The following DCP1B variants were observed in gnomAD, a reference collection of about 807,000 sequenced individuals.
DCP1B encodes the protein mRNA-decapping enzyme 1B.
Under a neutral mutation model 60.5 loss-of-function variants are expected in DCP1B, and 47 were observed. The ratio of observed to expected loss-of-function variants is 0.78; its 90% CI spans 0.61 to 0.99. The LOEUF is 0.99. Among genes scored for constraint, DCP1B ranks in the 50% least tolerant of loss-of-function variants. The probability of loss-of-function intolerance (pLI) is 0.00; values close to 1 mark genes in which losing one functional copy is unlikely to be tolerated. For synonymous variants in DCP1B, 267 were observed against 280.3 expected (o/e 0.95, Z 0.47); for missense variants, 725 against 756.8 (o/e 0.96, Z 0.49).
downstream of DCP1B, among the ~76,000 whole-genome samples, chr12:1,945,109 A>C (rs2030376463): frequency 6.6e-6 from 1 of 152,232 alleles, no homozygotes; most frequent in Non-Finnish European, 1.5e-5. Context: ...CCCATCAAAA[A>C]GTGGGCAAAG....
At chr12:1,967,771 T>C in intron 4 of DCP1B, 73 bp downstream of exon 4, 2 of 1,274,776 alleles carry the variant, frequency 1.6e-6, no homozygotes, top group South Asian at 1.2e-5. Flanking sequence ...AAGACTGTAG[T>C]ATAGTTACAC....
At chr12:2,002,181 C>T (rs535236175) in intron 1 of DCP1B, among the ~76,000 whole-genome samples, 2 of 152,262 alleles carry the variant, frequency 1.3e-5, no homozygotes, top group African/African-American at 4.8e-5. Flanking sequence ...ATTTTCAGGG[C>T]AATAAGAATT....
chr12:1,980,099 A>G (rs1173500010), intron 3 of DCP1B, among the ~76,000 whole-genome samples: 1 of 152,202 alleles, frequency 6.6e-6, no homozygotes, highest in Non-Finnish European at 1.5e-5. Flanking sequence ...TGTCCCCATC[A>G]ATTTCACTCC....
At chr12:1,993,456 T>G (rs1565858026) in intron 2 of DCP1B, 65 bp from the exon 3 acceptor site, 2 of 1,562,710 alleles carry the variant, frequency 1.3e-6, no homozygotes. Context: ...ATATTTTCAG[T>G]ATAAGTACAT....
intron 3 of DCP1B, among the ~76,000 whole-genome samples, chr12:1,988,104 T>C (rs374947494): frequency 6.6e-6 from 1 of 152,202 alleles, no homozygotes; most frequent in Non-Finnish European, 1.5e-5. Flanking sequence ...CCTGGATGAT[T>C]TGTATATCAG....
At chr12:1,941,860 A>G (rs2154456006), downstream of DCP1B, among the ~76,000 whole-genome samples, 1 of 152,334 alleles carries the variant, frequency 6.6e-6, no homozygotes, top group Middle Eastern at 3.4e-3. Context: ...GACCATCGAC[A>G]TTATGAAGAA....
chr12:1,968,993 T>C (rs949725078), intron 3 of DCP1B, among the ~76,000 whole-genome samples: 1 of 152,198 alleles, frequency 6.6e-6, no homozygotes, highest in Admixed American at 6.5e-5. Flanking sequence ...GTTGAGGATC[T>C]GATGGCATTA....
Position 1,967,921 on chromosome 12 carries a change from C to T in DCP1B, c.320-11G>A. 6.2e-7 allele frequency: 1 copy of T among 1,608,224 alleles called. No homozygotes were observed. The highest frequency in any genetic ancestry group is 1.7e-5 in the Admixed American group (1 of 58,366). ...TTCCATAGATGGACACTGCAAAAAA[C>T]ACACATCAAACAAATTATGAGCATC... On this transcript the variant is annotated splice_polypyrimidine_tract_variant and intron_variant, in intron 3 of 8. Transcript: ENST00000280665.
Position 1,971,816 on chromosome 12 carries a change from G to C in DCP1B, c.320-3906C>G, listed in dbSNP as rs747834321. Among the ~76,000 whole-genome samples the C allele has an allele frequency of 1.3e-5, 2 of 152,076 alleles. No homozygotes were observed. Among genetic ancestry groups the C allele is most frequent in the Non-Finnish European group, 2.9e-5 (2 of 68,004 alleles). ...ATGTTCCTAATAAATATTTCTGTTT[G>C]ATCTGTTCTTTTAAGATATTTATAA... is the stretch of plus-strand genomic sequence containing the variant. On this transcript the variant is annotated intron_variant, in intron 3 of 8. Transcript: ENST00000280665. This position sits in a 1 kb window ranked among gnomAD's most constrained non-coding sequence, Gnocchi z 4.2.
intron 2 of DCP1B, among the ~76,000 whole-genome samples, chr12:1,996,294 TC>T (rs2040773634): frequency 6.6e-6 from 1 of 152,052 alleles, no homozygotes; most frequent in Non-Finnish European, 1.5e-5. Context: ...AATCTCAAAA[TC>T]CAGAGTCTGC....
Position 1,948,624 on chromosome 12 carries a change from C to T in DCP1B, c.1773+462G>A, listed in dbSNP as rs931053460. Among the ~76,000 whole-genome samples, 18 of 152,196 alleles carry T rather than the reference C, an allele frequency of 1.2e-4. No individual in the cohort carries two copies. Among genetic ancestry groups the T allele is most frequent in the African/African-American group, 4.3e-4 (18 of 41,440 alleles). ...GTTTCAAAATGACTTGTAAAACATACCTGTAGCAGCCATGGCCATTATTTG... is the reference window on the plus strand; with the variant it reads ...GTTTCAAAATGACTTGTAAAACATATCTGTAGCAGCCATGGCCATTATTTG... On this transcript the variant is annotated intron_variant, in intron 8 of 8. Transcript: ENST00000280665. This position sits in a 1 kb window ranked among gnomAD's most constrained non-coding sequence, Gnocchi z 4.8.
intron 5 of DCP1B, chr12:1,961,371 T>C (rs925858381): frequency 4.6e-5 from 7 of 152,232 alleles, no homozygotes; most frequent in Non-Finnish European, 8.8e-5. Context: ...GCAGGTGTCC[T>C]GGCACACTGT....
rs1306670355 is a variant in DCP1B, at chr12:1,955,579, TC to T, written c.523-20del. On this transcript the variant is annotated intron_variant, in intron 5 of 8. Coordinates refer to ENST00000280665, the MANE Select transcript of DCP1B (RefSeq NM_152640.5). ...TTTTACACTGAAATAGAAAAGAAAA[TC>T]CCCTCATTTTTGGCTTAGAAAAGCT... 6.2e-7 allele frequency: 1 copy of T among 1,603,726 alleles called. No individual in the cohort carries two copies. Among genetic ancestry groups the T allele is most frequent in the East Asian group, 2.2e-5 (1 of 44,650 alleles).
chr12:1,998,011 G>A, intron 1 of DCP1B, 36 bp from the exon 2 acceptor site: 1 of 1,574,922 alleles, frequency 6.3e-7, no homozygotes, highest in Admixed American at 1.9e-5. Context: ...AGACATGTAT[G>A]TTCTCTTCAA....
chr12:1,965,705 G>A lies in DCP1B; in HGVS notation c.387-12C>T. 1.9e-6 allele frequency: 3 copies of A among 1,597,098 alleles called. No homozygotes were observed. Among genetic ancestry groups the A allele is most frequent in the Non-Finnish European group, 2.6e-6 (3 of 1,174,140 alleles). Reference sequence around the variant, plus strand: ...CATACTGAGTTAGGCTAGAAAAACAGAGGGGAAAATCCACACAAGAAAAGC... The same window carrying A: ...CATACTGAGTTAGGCTAGAAAAACAAAGGGGAAAATCCACACAAGAAAAGC... On this transcript the variant is annotated splice_polypyrimidine_tract_variant and intron_variant, in intron 4 of 8. Transcript: ENST00000280665.
chr12:1,966,415 G>A (rs778178742), intron 4 of DCP1B, among the ~76,000 whole-genome samples: 12 of 152,300 alleles, frequency 7.9e-5, no homozygotes, highest in Middle Eastern at 3.4e-3. Context: ...AGGTGATGTC[G>A]AGGAAAATAT....
intron 3 of DCP1B, among the ~76,000 whole-genome samples, chr12:1,980,063 C>T (rs2035652829): frequency 6.6e-6 from 1 of 152,142 alleles, no homozygotes; most frequent in African/African-American, 2.4e-5. Context: ...AGCAGTATCT[C>T]TAAAGCTAAA....
intron 3 of DCP1B, among the ~76,000 whole-genome samples, chr12:1,988,676 G>C (rs151182648): frequency 2.0e-5 from 3 of 152,116 alleles, no homozygotes; most frequent in Non-Finnish European, 4.4e-5. Context: ...AACTAGGAGT[G>C]TGCTCACTCT....
chr12:1,948,284 C>A lies in DCP1B; in HGVS notation c.1773+802G>T, dbSNP rs2030516247. On this transcript the variant is annotated intron_variant, in intron 8 of 8. Transcript: ENST00000280665. This position sits in a 1 kb window ranked among gnomAD's most constrained non-coding sequence, Gnocchi z 4.8. ...CAACATTCATGTGGTGAACGTGGCC[C>A]ACGGGAGAGTACGTGGGAAGTGGCA... 6.6e-6 allele frequency among the ~76,000 whole-genome samples: 1 copy of A among 152,202 alleles called. No homozygotes were observed. Among genetic ancestry groups the A allele is most frequent in the Non-Finnish European group, 1.5e-5 (1 of 68,044 alleles).
Sources: allele counts gnomAD v4.1 joint callset (sites outside exome capture counted in the v4.1 genomes callset), GRCh38; gene constraint gnomAD v4.1.1; non-coding constraint Gnocchi (gnomAD v3.1); transcripts MANE v1.5; gene names NCBI Gene and HGNC (gene_info 2026-07-23, HGNC 2026-07-21).